The following TTC1 variants were observed in gnomAD, a reference collection of about 807,000 sequenced individuals.
The protein encoded by TTC1 is tetratricopeptide repeat domain 1, also known as tetratricopeptide repeat protein 1.
A neutral mutation model predicts 37.6 loss-of-function variants in TTC1; 31 were observed. That is an observed-to-expected ratio of 0.82 (90% CI 0.62 to 1.11). The LOEUF is 1.11. Among genes scored for constraint, TTC1 ranks in the 50% most tolerant of loss-of-function variants. The pLI, the probability that TTC1 is intolerant of heterozygous loss-of-function variation, is 0.00. For missense variants in TTC1, 351 were observed against 339.0 expected, an observed-to-expected ratio of 1.04 and a Z score of -0.28; for synonymous variants, 127 against 122.4, an observed-to-expected ratio of 1.04 and a Z score of -0.25.
At chr5:160,024,103 T>C in intron 2 of TTC1, 1 of 789,506 alleles carries the variant, frequency 1.3e-6, no homozygotes, top group Non-Finnish European at 2.2e-6. Context: ...TAGAGCCTTC[T>C]CTGTGCTGTG....
chr5:160,011,099 T>C (rs1756494764), intron 2 of TTC1, among the ~76,000 whole-genome samples: 1 of 152,268 alleles, frequency 6.6e-6, no homozygotes, highest in African/African-American at 2.4e-5. Flanking sequence ...GTTCATCTTG[T>C]ACTTCAGGAG....
chr5:160,035,605 C>A (rs1756987135), intron 3 of TTC1, among the ~76,000 whole-genome samples: 1 of 152,242 alleles, frequency 6.6e-6, no homozygotes, highest in Admixed American at 6.5e-5. Flanking sequence ...CTAGGGCTGC[C>A]TGTCCTTTGG....
chr5:160,035,216 G>C lies in TTC1; in HGVS notation c.391+16G>C, dbSNP rs778472915. On this transcript the variant is annotated intron_variant, in intron 3 of 7. Coordinates refer to ENST00000231238, the MANE Select transcript of TTC1 (RefSeq NM_003314.3). ...AAGAAAGGAGGTAAGACGACTTTCA[G>C]CACTGATAATCTGGTCATCTTGACT... 3.2e-5 allele frequency: 51 copies of C among 1,593,182 alleles called. No homozygotes were observed. Among genetic ancestry groups the C allele is most frequent in the Non-Finnish European group, 4.0e-5 (47 of 1,170,524 alleles).
rs189671674 is a variant in TTC1, at chr5:160,065,211, C to G, written c.*146C>G. ...AGTAGAGCCCAGTGCTCCCTTGTCC[C>G]TCTTTTATGATCAGGGTGAAATGTA... is the stretch of plus-strand genomic sequence containing the variant. On this transcript the variant is annotated 3_prime_UTR_variant, in exon 8 of 8. Transcript: ENST00000231238. 5,986 of 1,107,468 alleles carry G rather than the reference C, an allele frequency of 5.4e-3. 26 individuals are homozygous for G. Among genetic ancestry groups the G allele is most frequent in the Non-Finnish European group, 6.6e-3 (5,002 of 757,842 alleles). 68.6% of individuals were successfully genotyped at this position (1,107,468 alleles called of 1,614,324 possible). A position where few individuals can be genotyped will look rare whatever the true frequency, so the allele number is the denominator to read the frequency against.
intron 2 of TTC1, 122 bp downstream of exon 2, chr5:160,010,980 G>A: frequency 1.1e-6 from 1 of 917,340 alleles, no homozygotes; most frequent in East Asian, 2.6e-5. Flanking sequence ...GTCTTCTTAT[G>A]GCTTTAGTAG....
At chr5:160,036,584 A>C in intron 3 of TTC1, 107 bp from the exon 4 acceptor site, 1 of 752,406 alleles carries the variant, frequency 1.3e-6, no homozygotes, top group Non-Finnish European at 2.2e-6. Flanking sequence ...CTTTTAACTC[A>C]AAACCTTCAT....
chr5:160,024,926 T>G (rs1756774532), intron 2 of TTC1, among the ~76,000 whole-genome samples: 1 of 152,154 alleles, frequency 6.6e-6, no homozygotes, highest in Admixed American at 6.5e-5. Flanking sequence ...AGCCTCAAAT[T>G]CCTGGGCTCC....
chr5:160,024,787 G>A (rs188081258), intron 2 of TTC1, among the ~76,000 whole-genome samples: 21 of 151,778 alleles, frequency 1.4e-4, no homozygotes, highest in African/African-American at 4.8e-4. Context: ...CCTAAGTCCT[G>A]TGGTCCAAGC....
chr5:160,046,754 C>CT (rs1243828891), intron 5 of TTC1, among the ~76,000 whole-genome samples: 1 of 152,150 alleles, frequency 6.6e-6, no homozygotes, highest in African/African-American at 2.4e-5. Context: ...TGGCTCACGC[C>CT]TGTAATCCCA....
intron 7 of TTC1, among the ~76,000 whole-genome samples, chr5:160,056,840 C>T (rs1402843763): frequency 1.3e-5 from 2 of 152,188 alleles, no homozygotes; most frequent in Non-Finnish European, 2.9e-5. Context: ...TATACCTGGA[C>T]ATTGTGTGCT....
chr5:160,045,562 CT>C (rs1757220947), intron 5 of TTC1, among the ~76,000 whole-genome samples: 1 of 140,870 alleles, frequency 7.1e-6, no homozygotes, highest in Non-Finnish European at 1.5e-5. Flanking sequence ...TCCCCCTCCC[CT>C]CTCTCAATCT....
chr5:160,050,454 C>CA (rs1254985740), intron 6 of TTC1, among the ~76,000 whole-genome samples: 1 of 151,808 alleles, frequency 6.6e-6, no homozygotes, highest in African/African-American at 2.4e-5. Flanking sequence ...CTTAAAAAAA[C>CA]AAAAAATACA....
In TTC1 at chr5:160,053,789, A is replaced by G. The variant is rs573207796; in HGVS notation, c.745+2606A>G. On this transcript the variant is annotated intron_variant, in intron 7 of 7. Transcript: ENST00000231238. ...AATGGGTTTTTATTTAGATGTGTTC[A>G]GTATTCTTTAACTTGTTTTTTCTTC... Among the ~76,000 whole-genome samples the G allele has an allele frequency of 6.6e-5, 10 of 152,324 alleles. No individual in the cohort carries two copies. The East Asian group carries it at 1.9e-3, about 29-fold the overall frequency.
chr5:160,015,639 C>A (rs190943187), intron 2 of TTC1, among the ~76,000 whole-genome samples: 5 of 152,200 alleles, frequency 3.3e-5, no homozygotes, highest in Non-Finnish European at 5.9e-5. Context: ...CTGTGTGTCT[C>A]TTCACCTGGC....
intron 4 of TTC1, among the ~76,000 whole-genome samples, chr5:160,037,385 G>A (rs759881419): frequency 6.6e-6 from 1 of 152,162 alleles, no homozygotes; most frequent in Non-Finnish European, 1.5e-5. Flanking sequence ...ATAGGTGAGA[G>A]TACAAATATA....
chr5:160,017,358 T>A (rs965462717), intron 2 of TTC1, among the ~76,000 whole-genome samples: 2 of 152,156 alleles, frequency 1.3e-5, no homozygotes, highest in African/African-American at 4.8e-5. Context: ...GAGGGCCTCT[T>A]CCTTACAGAT....
chr5:160,051,396 G>A (rs1444463472), intron 7 of TTC1, among the ~76,000 whole-genome samples: 1 of 152,008 alleles, frequency 6.6e-6, no homozygotes, highest in Non-Finnish European at 1.5e-5. Context: ...TGATTTTCTT[G>A]GAAATTTTTC....
intron 2 of TTC1, among the ~76,000 whole-genome samples, chr5:160,019,951 CAG>C (rs929168996): frequency 1.6e-4 from 24 of 152,000 alleles, no homozygotes; most frequent in Non-Finnish European, 7.4e-5. Flanking sequence ...TATTTTGAGA[CAG>C]AGTCTTGCCC....
chr5:160,028,193 G>A (rs1756842538), intron 2 of TTC1, among the ~76,000 whole-genome samples: 2 of 151,726 alleles, frequency 1.3e-5, no homozygotes, highest in Non-Finnish European at 2.9e-5. Flanking sequence ...CAGCTACTCG[G>A]GAGGCTGAGG....
Sources: gnomAD v4.1 joint callset for allele counts (sites outside exome capture counted in the v4.1 genomes callset) on GRCh38, gnomAD v4.1.1 for gene constraint, MANE v1.5 for transcripts, NCBI Gene and HGNC (gene_info 2026-07-23, HGNC 2026-07-21) for gene names.